The following SLC24A2 variants were observed in gnomAD, a reference collection of about 807,000 sequenced individuals.
The protein encoded by SLC24A2 is solute carrier family 24 member 2.
SLC24A2 carries 36 observed loss-of-function variants against 62.0 expected under a neutral mutation model. That is an observed-to-expected ratio of 0.58 (90% CI 0.44 to 0.77). SLC24A2 has a LOEUF of 0.77. Ranked by LOEUF, SLC24A2 falls within the 30% of genes least tolerant of loss-of-function variation. The probability of loss-of-function intolerance (pLI) is 0.00; values close to 1 mark genes in which losing one functional copy is unlikely to be tolerated. For missense variants in SLC24A2, 846 were observed against 817.9 expected (o/e 1.03, Z -0.42); for synonymous variants, 358 against 294.0 (o/e 1.22, Z -2.23).
chr9:19,671,887 C>T (rs539402219), intron 2 of SLC24A2, among the ~76,000 whole-genome samples: 2 of 137,990 alleles, frequency 1.4e-5, no homozygotes, highest in African/African-American at 6.1e-5. Flanking sequence ...ACCATCCCTG[C>T]ATCCCTGGTA....
chr9:20,028,632 GGCTTCTGCCCCC>G, the SLC24A2 span, among the ~76,000 whole-genome samples: 1 of 152,030 alleles, frequency 6.6e-6, no homozygotes, highest in African/African-American at 2.4e-5. Flanking sequence ...ATTCTGCTCG[GGCTTCTGCCCCC>G]GCCTTGCAGA....
chr9:19,726,178 C>T (rs564939129), intron 2 of SLC24A2, among the ~76,000 whole-genome samples: 1 of 152,286 alleles, frequency 6.6e-6, no homozygotes, highest in Middle Eastern at 3.4e-3. Flanking sequence ...CCTGGAGTCA[C>T]CTCTTTGCGC....
chr9:19,711,899 C>T (rs1055128160), intron 2 of SLC24A2, among the ~76,000 whole-genome samples: 11 of 152,144 alleles, frequency 7.2e-5, no homozygotes, highest in East Asian at 3.9e-4. Context: ...ACGCAAGTTG[C>T]CAACCCAAAA....
chr9:19,817,980 T>C, the SLC24A2 span, among the ~76,000 whole-genome samples: 1 of 152,094 alleles, frequency 6.6e-6, no homozygotes, highest in South Asian at 2.1e-4. Flanking sequence ...TCCTCCCACC[T>C]CAAGTAATCC....
At chr9:19,999,550 T>A in the SLC24A2 span, among the ~76,000 whole-genome samples, 2 of 152,228 alleles carry the variant, frequency 1.3e-5, no homozygotes, top group Admixed American at 6.5e-5. Context: ...GTAAACTCTA[T>A]ATTTCATCCT....
At chr9:19,647,990 C>G (rs942372150) in intron 2 of SLC24A2, among the ~76,000 whole-genome samples, 6 of 151,966 alleles carry the variant, frequency 3.9e-5, no homozygotes, top group African/African-American at 1.5e-4. Flanking sequence ...GTATGGAAGG[C>G]AAGAAAGAAA....
At chr9:20,284,486 CAT>C in the SLC24A2 span, among the ~76,000 whole-genome samples, 10 of 151,728 alleles carry the variant, frequency 6.6e-5, no homozygotes, top group Non-Finnish European at 2.9e-5. Context: ...TCTGAGATGT[CAT>C]AGTTCAACCC....
the SLC24A2 span, among the ~76,000 whole-genome samples, chr9:19,982,871 T>A: frequency 6.6e-6 from 1 of 152,204 alleles, no homozygotes; most frequent in East Asian, 1.9e-4. Context: ...TCATCCAACA[T>A]AAGAAAATCA....
chr9:19,732,161 G>C (rs1281926566), intron 2 of SLC24A2, among the ~76,000 whole-genome samples: 1 of 152,130 alleles, frequency 6.6e-6, no homozygotes, highest in Admixed American at 6.6e-5. Flanking sequence ...CTGCAAAAGG[G>C]CAGGTGCAAA....
rs559526984 is a variant in SLC24A2, at chr9:19,622,163, A to C, written c.969+98T>G. 21 of 921,814 alleles carry C rather than the reference A, an allele frequency of 2.3e-5. No individual in the cohort carries two copies. The South Asian group carries it at 2.8e-4, about 12-fold the overall frequency. 57.1% of individuals were successfully genotyped at this position (921,814 alleles called of 1,614,324 possible). Reference sequence around the variant, plus strand: ...ATTATTTAAGTATTCCAAGGGAGAGAGTAATGTGTTGAGCACACAAACCCG... The same window carrying C: ...ATTATTTAAGTATTCCAAGGGAGAGCGTAATGTGTTGAGCACACAAACCCG... On this transcript the variant is annotated intron_variant, in intron 3 of 10. Coordinates refer to ENST00000341998, the MANE Select transcript of SLC24A2 (RefSeq NM_020344.4).
At chr9:19,788,058 G>A (rs1407859525) in intron 1 of SLC24A2, among the ~76,000 whole-genome samples, 1 of 152,262 alleles carries the variant, frequency 6.6e-6, no homozygotes, top group Admixed American at 6.5e-5. Context: ...CCATATCAAC[G>A]ATTTCATTTT....
At chr9:20,014,211 G>C in the SLC24A2 span, among the ~76,000 whole-genome samples, 873 of 151,920 alleles carry the variant, frequency 5.7e-3, 12 homozygotes, top group African/African-American at 0.02. Flanking sequence ...ATGTCTCAGC[G>C]GGGGAAAAAA....
chr9:20,132,329 T>C, the SLC24A2 span, among the ~76,000 whole-genome samples: 1 of 152,114 alleles, frequency 6.6e-6, no homozygotes, highest in East Asian at 1.9e-4. Context: ...GTGAAAGAGT[T>C]AGATGATAGA....
At chr9:20,213,887 G>T in the SLC24A2 span, among the ~76,000 whole-genome samples, 1 of 152,154 alleles carries the variant, frequency 6.6e-6, no homozygotes, top group African/African-American at 2.4e-5. Flanking sequence ...TAGGTATTAT[G>T]ATCTATATCA....
chr9:19,540,151 CTT>C (rs1228209698), intron 8 of SLC24A2, among the ~76,000 whole-genome samples: 1 of 39,750 alleles, frequency 2.5e-5, no homozygotes, highest in Non-Finnish European at 4.5e-5. Context: ...GGTCTTGACT[CTT>C]TATCCAACTT....
intron 2 of SLC24A2, among the ~76,000 whole-genome samples, chr9:19,773,864 G>T (rs1822764320): frequency 6.6e-6 from 1 of 152,228 alleles, no homozygotes; most frequent in Non-Finnish European, 1.5e-5. Flanking sequence ...GGGCTCAAGA[G>T]AATTTCATGG....
chr9:19,539,490 TC>T (rs1240635916), intron 8 of SLC24A2, among the ~76,000 whole-genome samples: 1 of 149,156 alleles, frequency 6.7e-6, no homozygotes, highest in Non-Finnish European at 1.5e-5. Flanking sequence ...AGCAGGTTGT[TC>T]AGTTTCCATG....
At chr9:20,122,060 G>A in the SLC24A2 span, among the ~76,000 whole-genome samples, 1 of 152,200 alleles carries the variant, frequency 6.6e-6, no homozygotes, top group Non-Finnish European at 1.5e-5. Context: ...ACTGAGATGA[G>A]CTGGGGGCAC....
the SLC24A2 span, among the ~76,000 whole-genome samples, chr9:20,229,978 G>C: frequency 6.7e-6 from 1 of 149,570 alleles, no homozygotes; most frequent in African/African-American, 2.5e-5. Flanking sequence ...GTGAGAACAT[G>C]TGGTGTTTGG....
Sources: gnomAD v4.1 joint callset for allele counts (sites outside exome capture counted in the v4.1 genomes callset) on GRCh38, gnomAD v4.1.1 for gene constraint, MANE v1.5 for transcripts, NCBI Gene and HGNC (gene_info 2026-07-23, HGNC 2026-07-21) for gene names.